Variants in ALK observed in about 807,000 individuals in gnomAD.
ALK encodes ALK receptor tyrosine kinase.
In ALK, 74 loss-of-function variants were observed where a neutral mutation model predicts 163.1. The observed-to-expected ratio is 0.45, with a 90% CI of 0.38 to 0.55. The LOEUF (loss-of-function observed/expected upper bound fraction) is 0.55, where lower values mean the gene tolerates loss of function less well. Ranked by LOEUF, ALK falls within the 20% of genes least tolerant of loss-of-function variation. The probability of loss-of-function intolerance (pLI) is 0.00; values close to 1 mark genes in which losing one functional copy is unlikely to be tolerated. For synonymous variants in ALK, 960 were observed against 843.2 expected (o/e 1.14, Z -2.40); for missense variants, 2,063 against 2,105.3 (o/e 0.98, Z 0.39).
chr2:29,522,472 G>C (rs981375772), intron 4 of ALK, among the ~76,000 whole-genome samples: 1 of 152,044 alleles, frequency 6.6e-6, no homozygotes, highest in Non-Finnish European at 1.5e-5. Flanking sequence ...GTCCTGTCCC[G>C]TCCCCAGCCA....
At chr2:29,539,069 G>A (rs1347698993) in intron 3 of ALK, among the ~76,000 whole-genome samples, 2 of 151,744 alleles carry the variant, frequency 1.3e-5, no homozygotes, top group African/African-American at 4.8e-5. Flanking sequence ...CAAATCAGCT[G>A]TACTTTTCCT....
At chr2:29,829,324 AG>A (rs535309413) in intron 1 of ALK, among the ~76,000 whole-genome samples, 1,735 of 150,482 alleles carry the variant, frequency 0.012, 14 homozygotes, top group Middle Eastern at 0.031. Context: ...AAAAAAAAAA[AG>A]AAAGAAAGAT....
intron 3 of ALK, among the ~76,000 whole-genome samples, chr2:29,654,355 TCC>T (rs1224801791): frequency 1.3e-5 from 2 of 151,992 alleles, no homozygotes; most frequent in Non-Finnish European, 2.9e-5. Context: ...GCTGTCATGC[TCC>T]AGATGACCTC....
At chr2:29,276,522 T>G (rs900783213) in intron 9 of ALK, among the ~76,000 whole-genome samples, 1 of 152,092 alleles carries the variant, frequency 6.6e-6, no homozygotes, top group South Asian at 2.1e-4. Flanking sequence ...CAATCCAGAA[T>G]GACATGCAGA....
intron 4 of ALK, among the ~76,000 whole-genome samples, chr2:29,455,645 A>G (rs1028219931): frequency 2.0e-5 from 3 of 152,228 alleles, no homozygotes; most frequent in African/African-American, 7.2e-5. Context: ...GAACAAGCAC[A>G]ATATCCCCAG....
intron 9 of ALK, among the ~76,000 whole-genome samples, chr2:29,295,912 C>T (rs746070954): frequency 6.6e-6 from 1 of 152,140 alleles, no homozygotes; most frequent in Non-Finnish European, 1.5e-5. Flanking sequence ...ATAGAAATGG[C>T]CCCTCGCCCC....
At chr2:29,605,849 C>T (rs1675529022) in intron 3 of ALK, among the ~76,000 whole-genome samples, 1 of 152,158 alleles carries the variant, frequency 6.6e-6, no homozygotes, top group African/African-American at 2.4e-5. Flanking sequence ...TACCTGAAGG[C>T]TCACATGGAA....
chr2:29,195,955 G>A (rs1488214022), intron 28 of ALK, among the ~76,000 whole-genome samples: 1 of 152,120 alleles, frequency 6.6e-6, no homozygotes, highest in African/African-American at 2.4e-5. Context: ...GAGAAATGGC[G>A]GCAGAGGCAG....
In ALK at chr2:29,920,004, A is replaced by C; in HGVS notation, c.656T>G (p.Ile219Ser). The C allele has an allele frequency of 6.2e-7, 1 of 1,613,956 alleles. No homozygotes were observed. Among genetic ancestry groups the C allele is most frequent in the Non-Finnish European group, 8.5e-7 (1 of 1,179,926 alleles). ...RASQPRLLFQ[I>S]FGTGHSSLES... ...CGGGAGCTGCTCACCAGTCCCGAAG[A>C]TCTGGAAGAGAAGGCGGGGCTGGGA... The change falls in exon 1 of 29, where the codon ATC becomes AGC. Residue 219 changes from isoleucine (I) to serine (S), a missense_variant. This residue lies in a region of ALK where 987 missense variants were observed against 939.5 expected (regional missense o/e 1.05). Coordinates refer to ENST00000389048, the MANE Select transcript of ALK (RefSeq NM_004304.5).
At chr2:29,756,362 C>T (rs966593635) in intron 1 of ALK, among the ~76,000 whole-genome samples, 5 of 152,144 alleles carry the variant, frequency 3.3e-5, no homozygotes, top group Admixed American at 6.5e-5. Flanking sequence ...ATCTGCCTTC[C>T]CAGCTAGGTT....
intron 4 of ALK, among the ~76,000 whole-genome samples, chr2:29,493,647 G>A (rs1039202481): frequency 6.6e-6 from 1 of 152,192 alleles, no homozygotes; most frequent in South Asian, 2.1e-4. Context: ...TTCCTCATCT[G>A]TATAATGGGG....
At chr2:29,805,994 GA>G (rs1334356232) in intron 1 of ALK, among the ~76,000 whole-genome samples, 51 of 152,326 alleles carry the variant, frequency 3.3e-4, no homozygotes, top group African/African-American at 1.2e-3. Flanking sequence ...ATGTACATGT[GA>G]GTGAGGAGGT....
chr2:29,534,079 T>C (rs768992116), intron 3 of ALK, among the ~76,000 whole-genome samples: 3 of 151,770 alleles, frequency 2.0e-5, no homozygotes, highest in Non-Finnish European at 4.4e-5. Flanking sequence ...GCCAGGGAGA[T>C]AGGAGGTGTA....
At chr2:29,279,609 A>G (rs1039405853) in intron 9 of ALK, among the ~76,000 whole-genome samples, 2 of 152,114 alleles carry the variant, frequency 1.3e-5, no homozygotes, top group Admixed American at 6.5e-5. Flanking sequence ...GGGCATCAGG[A>G]CCACCCAGAT....
intron 1 of ALK, among the ~76,000 whole-genome samples, chr2:29,798,882 C>A (rs766223659): frequency 6.6e-6 from 1 of 152,172 alleles, no homozygotes; most frequent in African/African-American, 2.4e-5. Flanking sequence ...GAGAGGTCAT[C>A]GGTGTGATGG....
chr2:29,464,702 T>C (rs1246205579), intron 4 of ALK, among the ~76,000 whole-genome samples: 1 of 152,148 alleles, frequency 6.6e-6, no homozygotes, highest in Non-Finnish European at 1.5e-5. Flanking sequence ...AGGACGTGAT[T>C]TTTGTTGTCA....
chr2:29,826,674 A>G (rs1387440298), intron 1 of ALK, among the ~76,000 whole-genome samples: 1 of 152,256 alleles, frequency 6.6e-6, no homozygotes, highest in African/African-American at 2.4e-5. Flanking sequence ...AAAGTCCAAC[A>G]TCAGAGCAAT....
chr2:29,288,955 A>AAAAAAAAT (rs1553404732), intron 9 of ALK, among the ~76,000 whole-genome samples: 2 of 26,824 alleles, frequency 7.5e-5, no homozygotes, highest in Admixed American at 1.1e-3. Flanking sequence ...CCTTCTCAAA[A>AAAAAAAAT]AAATAAATAA....
chr2:29,543,391 A>G (rs1193056358), intron 3 of ALK, among the ~76,000 whole-genome samples: 1 of 152,210 alleles, frequency 6.6e-6, no homozygotes, highest in African/African-American at 2.4e-5. Flanking sequence ...CTTTATGCAT[A>G]ATTTGCCTGA....
Sources: gnomAD v4.1 joint callset for allele counts (sites outside exome capture counted in the v4.1 genomes callset) on GRCh38, gnomAD v4.1.1 for gene constraint, gnomAD v4.1.1 regional missense constraint, MANE v1.5 for transcripts, NCBI Gene and HGNC (gene_info 2026-07-23, HGNC 2026-07-21) for gene names.